MYO1H: variants seen among roughly 807,000 people sequenced by gnomAD.
MYO1H encodes the protein unconventional myosin-Ih.
MYO1H carries 118 observed loss-of-function variants against 149.3 expected under a neutral mutation model. That is an observed-to-expected ratio of 0.79 (90% CI 0.68 to 0.92). The LOEUF is 0.92. MYO1H is among the 40% of genes least tolerant of loss of function. MYO1H has a pLI of 0.00. For synonymous variants in MYO1H, 447 were observed against 465.2 expected (o/e 0.96, Z 0.50); for missense variants, 1,212 against 1,280.7 (o/e 0.95, Z 0.82).
intron 14 of MYO1H, among the ~76,000 whole-genome samples, 193 bp from the exon 15 acceptor site, chr12:109,415,333 G>T (rs1356556370): frequency 6.6e-6 from 1 of 152,030 alleles, no homozygotes; most frequent in African/African-American, 2.4e-5. Context: ...AAATTAGCCG[G>T]GTGTGGTGGC....
At position 109,409,423 on chromosome 12, in the gene MYO1H, A is replaced by T; in HGVS notation, c.1156-134A>T. 3 of 802,904 alleles carry T rather than the reference A, an allele frequency of 3.7e-6. No individual in the cohort carries two copies. The South Asian group carries it at 4.2e-5, about 11-fold the overall frequency. 49.7% of individuals were successfully genotyped at this position (802,904 alleles called of 1,614,324 possible). On this transcript the variant is annotated intron_variant, in intron 10 of 31. Transcript: ENST00000310903. ...AGGCTGGGGAAATTACTTCCACCCA[A>T]AGATTTTCCGCATTGTTGGAGACAG...
At chr12:109,399,340 C>T (rs1870055596) in intron 5 of MYO1H, among the ~76,000 whole-genome samples, 2 of 152,156 alleles carry the variant, frequency 1.3e-5, no homozygotes, top group Admixed American at 1.3e-4. Context: ...ACCTGTAATC[C>T]CAGCACTTTG....
chr12:109,356,057 T>C (rs898114394), intron 1 of MYO1H, among the ~76,000 whole-genome samples: 4 of 152,126 alleles, frequency 2.6e-5, no homozygotes, highest in African/African-American at 7.2e-5. Context: ...GTACCTCAAG[T>C]CACAACCACT....
At position 109,385,937 on chromosome 12, in the gene MYO1H, A is replaced by G. The variant is rs116312126; in HGVS notation, c.13-2746A>G. Among the ~76,000 whole-genome samples the G allele has an allele frequency of 1.9e-3, 291 of 152,318 alleles. 1 individual carries two copies. Among genetic ancestry groups the G allele is most frequent in the African/African-American group, 6.5e-3 (272 of 41,578 alleles). On this transcript the variant is annotated intron_variant, in intron 1 of 31. Coordinates refer to ENST00000310903, the Ensembl canonical transcript of MYO1H. Reference sequence around the variant, plus strand: ...GAAATGCACACAATTTTAACAGTTTATCTTGACCGATAGATATACTCATGT... The same window carrying G: ...GAAATGCACACAATTTTAACAGTTTGTCTTGACCGATAGATATACTCATGT...
intron 1 of MYO1H, among the ~76,000 whole-genome samples, chr12:109,360,671 C>CT (rs1456236394): frequency 7.1e-6 from 1 of 140,672 alleles, no homozygotes; most frequent in Non-Finnish European, 1.6e-5. Context: ...TCAAAAAAAT[C>CT]TATAGTCTTG....
rs142785493 is a variant in MYO1H, at chr12:109,401,206, C to T, written c.684C>T (p.Gly228=). 6.0e-5 allele frequency: 97 copies of T among 1,613,666 alleles called. No individual in the cohort carries two copies. In the African/African-American group the frequency reaches 6.9e-4, roughly 12 times the overall value. The change falls in exon 6 of 32, where the codon GGC becomes GGT. Residue 228 remains glycine (G), a synonymous_variant. Coordinates refer to ENST00000310903, the Ensembl canonical transcript of MYO1H. ...TCTTCTACCAGCTGCTGGCAGGTGG[C>T]GAAGAGGAGCGCCTGTCTTACCTGG...
chr12:109,440,596 C>T (rs1872075040), intron 24 of MYO1H, 148 bp from the exon 25 acceptor site: 1 of 636,430 alleles, frequency 1.6e-6, no homozygotes. Context: ...ATCAGGTTAG[C>T]TGCTGTGACT....
chr12:109,387,945 C>T (rs895131406), intron 1 of MYO1H, among the ~76,000 whole-genome samples: 5 of 152,340 alleles, frequency 3.3e-5, no homozygotes, highest in African/African-American at 1.2e-4. Context: ...GCCCAGTGAC[C>T]GAACCAGCTC....
intron 6 of MYO1H, among the ~76,000 whole-genome samples, chr12:109,403,355 G>A (rs562923863): frequency 3.2e-4 from 49 of 152,312 alleles, no homozygotes; most frequent in African/African-American, 1.2e-3. Flanking sequence ...CAGATCTTCA[G>A]ATAATTAGGA....
chr12:109,373,402 TATC>T (rs1353222739), intron 1 of MYO1H, among the ~76,000 whole-genome samples: 1 of 152,090 alleles, frequency 6.6e-6, no homozygotes, highest in Non-Finnish European at 1.5e-5. Context: ...TAATTATAAT[TATC>T]AAGAATGAAA....
the MYO1H span, among the ~76,000 whole-genome samples, chr12:109,319,893 A>C: frequency 5.8e-3 from 888 of 152,324 alleles, 2 homozygotes; most frequent in Non-Finnish European, 8.4e-3. Flanking sequence ...CTGGCCTTAG[A>C]AGACTGGAGA....
chr12:109,410,803 C>G, intron 13 of MYO1H, 35 bp downstream of exon 13: 1 of 1,351,420 alleles, frequency 7.4e-7, no homozygotes. Context: ...GAGCTATTCA[C>G]CCGGCACTTA....
intron 1 of MYO1H, among the ~76,000 whole-genome samples, chr12:109,378,637 C>T (rs956878941): frequency 3.3e-5 from 5 of 152,316 alleles, no homozygotes; most frequent in East Asian, 3.9e-4. Context: ...TTTATATTCC[C>T]ACCAACAATG....
At chr12:109,444,844 G>A (rs78387870) in intron 30 of MYO1H, among the ~76,000 whole-genome samples, 10,039 of 151,508 alleles carry the variant, frequency 0.066, 370 homozygotes, top group Middle Eastern at 0.11. Flanking sequence ...CTCCAGCCTG[G>A]GCAACAGAGA....
chr12:109,410,227 CA>C (rs1249632668), intron 12 of MYO1H, among the ~76,000 whole-genome samples, 159 bp downstream of exon 12: 2 of 152,082 alleles, frequency 1.3e-5, no homozygotes, highest in Non-Finnish European at 2.9e-5. Context: ...TTGCAACCTC[CA>C]CCTCCTGGGC....
intron 23 of MYO1H, among the ~76,000 whole-genome samples, chr12:109,439,231 C>T (rs1329951674): frequency 6.6e-6 from 1 of 152,092 alleles, no homozygotes; most frequent in Non-Finnish European, 1.5e-5. Flanking sequence ...CACACCACCA[C>T]ACCCGGCTAA....
intron 9 of MYO1H, among the ~76,000 whole-genome samples, chr12:109,407,219 C>A (rs765737564): frequency 1.3e-5 from 2 of 152,196 alleles, no homozygotes; most frequent in Non-Finnish European, 2.9e-5. Flanking sequence ...CCTCCCACCT[C>A]TACGTCAAAG....
chr12:109,320,455 C>CAAAAA, the MYO1H span, among the ~76,000 whole-genome samples: 55 of 63,322 alleles, frequency 8.7e-4, 1 homozygote, highest in East Asian at 1.4e-3. Context: ...ATTAAAAATA[C>CAAAAA]AAAAAAAAAA....
intron 1 of MYO1H, among the ~76,000 whole-genome samples, chr12:109,368,655 A>G (rs1168925036): frequency 6.6e-6 from 1 of 151,834 alleles, no homozygotes; most frequent in African/African-American, 2.4e-5. Flanking sequence ...AAAAAAAAAA[A>G]AAAAAGGGTT....
Sources: allele counts gnomAD v4.1 joint callset (sites outside exome capture counted in the v4.1 genomes callset), GRCh38; gene constraint gnomAD v4.1.1; transcripts MANE v1.5; gene names NCBI Gene and HGNC (gene_info 2026-07-23, HGNC 2026-07-21).